LRRIQ3: variants seen among roughly 807,000 people sequenced by gnomAD.
LRRIQ3 encodes the protein leucine-rich repeat and IQ domain-containing protein 3.
LRRIQ3 carries 75 observed loss-of-function variants against 59.3 expected under a neutral mutation model. The observed-to-expected ratio is 1.26, with a 90% CI of 1.05 to 1.53. The LOEUF (loss-of-function observed/expected upper bound fraction) is 1.53, where lower values mean the gene tolerates loss of function less well. Ranked by LOEUF, LRRIQ3 falls within the 40% of genes most tolerant of loss-of-function variation. LRRIQ3 has a pLI of 0.00. For synonymous variants in LRRIQ3, 250 were observed against 231.3 expected, an observed-to-expected ratio of 1.08 and a Z score of -0.73; for missense variants, 831 against 710.0, an observed-to-expected ratio of 1.17 and a Z score of -1.94.
intron 5 of LRRIQ3, among the ~76,000 whole-genome samples, chr1:74,090,359 G>A (rs1041672222): frequency 1.3e-5 from 2 of 151,584 alleles, no homozygotes; most frequent in African/African-American, 4.8e-5. Flanking sequence ...CTAGGAAGAT[G>A]AGAAAACTAT....
At position 74,058,051 on chromosome 1, in the gene LRRIQ3, C is replaced by CA. The variant is rs1011058350; in HGVS notation, c.998-16119dup. Among the ~76,000 whole-genome samples the CA allele has an allele frequency of 7.3e-5, 11 of 151,138 alleles. No homozygotes were observed. The East Asian group carries it at 7.8e-4, about 11-fold the overall frequency. ...TCACCCCTCTTAGAATGGCTATTAT[C>CA]AAAAAAACAAAAAACAAAAAACAAA... On this transcript the variant is annotated intron_variant, in intron 6 of 7. Transcript: ENST00000354431.
intron 1 of LRRIQ3, among the ~76,000 whole-genome samples, chr1:74,195,374 C>T (rs1363348134): frequency 1.3e-5 from 2 of 152,062 alleles, no homozygotes; most frequent in Non-Finnish European, 2.9e-5. Flanking sequence ...GCTTCAACTT[C>T]CTCATATAAA....
At chr1:74,120,016 T>C (rs1432642942) in intron 4 of LRRIQ3, among the ~76,000 whole-genome samples, 1 of 152,152 alleles carries the variant, frequency 6.6e-6, no homozygotes, top group Non-Finnish European at 1.5e-5. Flanking sequence ...ATTTGTATTA[T>C]ACTGAATTCT....
chr1:74,085,019 A>G (rs1476940000), intron 5 of LRRIQ3, among the ~76,000 whole-genome samples: 1 of 151,748 alleles, frequency 6.6e-6, no homozygotes, highest in African/African-American at 2.4e-5. Context: ...TTTATGTTTT[A>G]TTCTTTGACT....
intron 4 of LRRIQ3, among the ~76,000 whole-genome samples, chr1:74,130,685 G>A (rs964160059): frequency 4.6e-5 from 7 of 151,828 alleles, no homozygotes; most frequent in Admixed American, 1.3e-4. Flanking sequence ...ATTCTTCTAC[G>A]GTGCGTTACC....
rs141100242 is a variant in LRRIQ3, at chr1:74,108,373, G to T, written c.867+1021C>A. On this transcript the variant is annotated intron_variant, in intron 5 of 7. Coordinates refer to ENST00000354431, the MANE Select transcript of LRRIQ3 (RefSeq NM_001105659.2). ...TCATCTGGAGCAAATTAATACTGTT[G>T]GCACTGAGTGCTGATGAGGGACAAG... Among the ~76,000 whole-genome samples the T allele has an allele frequency of 2.6e-4, 39 of 151,776 alleles. No individual in the cohort carries two copies. The East Asian group carries it at 7.4e-3, about 29-fold the overall frequency.
chr1:74,180,447 T>G, intron 3 of LRRIQ3: 1 of 338,430 alleles, frequency 3.0e-6, no homozygotes, highest in Non-Finnish European at 5.4e-6. Flanking sequence ...TCATTTCCAA[T>G]GTCTAGTTAT....
chr1:74,075,833 C>A (rs960269687), intron 5 of LRRIQ3, among the ~76,000 whole-genome samples: 1 of 152,080 alleles, frequency 6.6e-6, no homozygotes, highest in African/African-American at 2.4e-5. Flanking sequence ...TGGGTACTAT[C>A]CTCAAACTTT....
intron 1 of LRRIQ3, among the ~76,000 whole-genome samples, chr1:74,197,015 C>T (rs1651210122): frequency 6.6e-6 from 1 of 152,196 alleles, no homozygotes; most frequent in South Asian, 2.1e-4. Flanking sequence ...GACCTTCTCT[C>T]GCTACTTTCT....
intron 6 of LRRIQ3, among the ~76,000 whole-genome samples, chr1:74,070,493 G>T (rs905788027): frequency 1.3e-5 from 2 of 151,964 alleles, no homozygotes; most frequent in Non-Finnish European, 2.9e-5. Flanking sequence ...AGGGAGGCAA[G>T]AGGGAGAGGA....
At chr1:74,192,409 C>T (rs1650824754) in intron 1 of LRRIQ3, among the ~76,000 whole-genome samples, 1 of 152,090 alleles carries the variant, frequency 6.6e-6, no homozygotes, top group African/African-American at 2.4e-5. Flanking sequence ...TCTCCCAATT[C>T]TTGTATTCCT....
At chr1:74,197,946 C>G (rs757393061) in intron 1 of LRRIQ3, 50 bp downstream of exon 1, 3 of 382,864 alleles carry the variant, frequency 7.8e-6, no homozygotes, top group Non-Finnish European at 1.4e-5. Flanking sequence ...TTCGCCTTAT[C>G]CTTAGCGGGT....
At chr1:74,100,086 G>C (rs958794026) in intron 5 of LRRIQ3, among the ~76,000 whole-genome samples, 1 of 152,086 alleles carries the variant, frequency 6.6e-6, no homozygotes, top group African/African-American at 2.4e-5. Context: ...GAAATAAAGG[G>C]TATTCAATTA....
chr1:74,103,396 G>T (rs557221600), intron 5 of LRRIQ3, among the ~76,000 whole-genome samples: 1 of 151,848 alleles, frequency 6.6e-6, no homozygotes, highest in African/African-American at 2.4e-5. Flanking sequence ...ACCCTAAAAT[G>T]AGAGTTATAC....
In LRRIQ3 at chr1:74,189,172, A is replaced by G. The variant is rs74991385; in HGVS notation, c.1-5488T>C. On this transcript the variant is annotated intron_variant, in intron 1 of 7. Transcript: ENST00000354431. Reference sequence around the variant, plus strand: ...ACTGTCTCAGGACCTCTCTATGTTGACCTGTCCTCTCCATGTCATCTATCC... The same window carrying G: ...ACTGTCTCAGGACCTCTCTATGTTGGCCTGTCCTCTCCATGTCATCTATCC... Among the ~76,000 whole-genome samples, 587 of 152,134 alleles carry G rather than the reference A, an allele frequency of 3.9e-3. 2 individuals carry two copies. Among genetic ancestry groups the G allele is most frequent in the African/African-American group, 0.013 (527 of 41,520 alleles).
intron 4 of LRRIQ3, among the ~76,000 whole-genome samples, chr1:74,115,384 T>C (rs1002694884): frequency 2.0e-5 from 3 of 152,146 alleles, no homozygotes; most frequent in Non-Finnish European, 4.4e-5. Context: ...TTCCATCTCA[T>C]CTTATTTTTA....
chr1:74,130,691 T>C (rs532924158), intron 4 of LRRIQ3, among the ~76,000 whole-genome samples: 22 of 152,252 alleles, frequency 1.4e-4, no homozygotes, highest in Admixed American at 7.2e-4. Context: ...CTACGGTGCG[T>C]TACCTCTTTC....
intron 7 of LRRIQ3, among the ~76,000 whole-genome samples, chr1:74,033,410 T>A (rs1653777154): frequency 6.6e-6 from 1 of 151,956 alleles, no homozygotes; most frequent in African/African-American, 2.4e-5. Flanking sequence ...GGTTATTTGA[T>A]GGATGGGTGT....
intron 7 of LRRIQ3, among the ~76,000 whole-genome samples, chr1:74,030,066 A>T (rs1473104439): frequency 6.6e-6 from 1 of 152,078 alleles, no homozygotes; most frequent in East Asian, 1.9e-4. Context: ...CTTACCAGGG[A>T]TGTGAAGGAC....
Sources: gnomAD v4.1 joint callset for allele counts (sites outside exome capture counted in the v4.1 genomes callset) on GRCh38, gnomAD v4.1.1 for gene constraint, MANE v1.5 for transcripts, NCBI Gene and HGNC (gene_info 2026-07-23, HGNC 2026-07-21) for gene names.